Variants in PHACTR1 observed in about 807,000 individuals in gnomAD.
The protein encoded by PHACTR1 is phosphatase and actin regulator 1, also known as RPEL repeat containing 1.
Under a neutral mutation model 69.2 loss-of-function variants are expected in PHACTR1, and 16 were observed. That is an observed-to-expected ratio of 0.23 (90% CI 0.16 to 0.35). The LOEUF (loss-of-function observed/expected upper bound fraction) is 0.35. Ranked by LOEUF, PHACTR1 falls within the 10% of genes least tolerant of loss-of-function variation. The pLI is 1.00. For missense variants in PHACTR1, 510 were observed against 734.7 expected, an observed-to-expected ratio of 0.69 and a Z score of 3.54; for synonymous variants, 312 against 284.5, an observed-to-expected ratio of 1.10 and a Z score of -0.97.
intron 10 of PHACTR1, among the ~76,000 whole-genome samples, chr6:13,271,011 TTTTC>T (rs1777592624): frequency 6.9e-6 from 1 of 144,182 alleles, no homozygotes; most frequent in Non-Finnish European, 1.5e-5. Flanking sequence ...TGCTTTTTTT[TTTTC>T]TTTTTTTTTT....
chr6:13,223,784 A>C (rs1214817015), intron 8 of PHACTR1, among the ~76,000 whole-genome samples: 1 of 152,178 alleles, frequency 6.6e-6, no homozygotes, highest in African/African-American at 2.4e-5. Context: ...CGGTTGCTGG[A>C]AAGGTGAAAT....
chr6:12,880,589 G>A (rs1782993572), intron 4 of PHACTR1, among the ~76,000 whole-genome samples: 1 of 152,086 alleles, frequency 6.6e-6, no homozygotes, highest in Non-Finnish European at 1.5e-5. Context: ...ATTCTGTGCT[G>A]TAATACAGGT....
At chr6:12,918,846 C>T (rs1421028456) in intron 4 of PHACTR1, among the ~76,000 whole-genome samples, 1 of 152,196 alleles carries the variant, frequency 6.6e-6, no homozygotes, top group Non-Finnish European at 1.5e-5. Context: ...ATGGAAACAA[C>T]CATTCGTTCA....
rs941314292 is a variant in PHACTR1, at chr6:13,127,996, T to C, written c.416-32208T>C. ...GGAAGCAAACATATCCTTCTTCACATGGCGGCCGGAAGGAGAAGTATGAGC... is the reference window on the plus strand; with the variant it reads ...GGAAGCAAACATATCCTTCTTCACACGGCGGCCGGAAGGAGAAGTATGAGC... On this transcript the variant is annotated intron_variant, in intron 5 of 14. Transcript: ENST00000332995. Among the ~76,000 whole-genome samples, 6 of 151,310 alleles carry C rather than the reference T, an allele frequency of 4.0e-5. 1 individual carries two copies. Among genetic ancestry groups the C allele is most frequent in the Admixed American group, 4.0e-4 (6 of 15,152 alleles).
chr6:13,277,980 G>T (rs1584405709), intron 11 of PHACTR1: 2 of 196,780 alleles, frequency 1.0e-5, no homozygotes, highest in Non-Finnish European at 1.0e-5. Flanking sequence ...TTCCTGCCTT[G>T]TAGCCACATT....
chr6:13,036,413 G>A (rs1357669537), intron 4 of PHACTR1, among the ~76,000 whole-genome samples: 1 of 152,178 alleles, frequency 6.6e-6, no homozygotes, highest in African/African-American at 2.4e-5. Context: ...GCATTAAATG[G>A]TTGTTCATTT....
chr6:12,941,372 C>T (rs1562034187), intron 4 of PHACTR1, among the ~76,000 whole-genome samples: 1 of 151,816 alleles, frequency 6.6e-6, no homozygotes, highest in Non-Finnish European at 1.5e-5. Context: ...TTTGTTATGG[C>T]ATAAATCACC....
chr6:12,948,428 G>C (rs1295757977), intron 4 of PHACTR1, among the ~76,000 whole-genome samples: 1 of 152,192 alleles, frequency 6.6e-6, no homozygotes, highest in Non-Finnish European at 1.5e-5. Context: ...ACTAGGATAG[G>C]GTTGTTGGTG....
chr6:12,844,452 T>G (rs1779001165), intron 4 of PHACTR1, among the ~76,000 whole-genome samples: 1 of 151,706 alleles, frequency 6.6e-6, no homozygotes, highest in Admixed American at 6.6e-5. Context: ...CAAGAGCAAC[T>G]ATCGCACTGT....
At chr6:12,936,254 A>T (rs1789434569) in intron 4 of PHACTR1, among the ~76,000 whole-genome samples, 1 of 152,134 alleles carries the variant, frequency 6.6e-6, no homozygotes, top group South Asian at 2.1e-4. Context: ...TCAGAATCAA[A>T]CATGGATCTG....
intron 12 of PHACTR1, among the ~76,000 whole-genome samples, chr6:13,282,586 A>G (rs1780524448): frequency 6.6e-6 from 1 of 152,174 alleles, no homozygotes; most frequent in Non-Finnish European, 1.5e-5. Flanking sequence ...GAGGGCCGTC[A>G]GCAATGTTTG....
At position 13,206,017 on chromosome 6, in the gene PHACTR1, C is replaced by T. The variant is rs774451395; in HGVS notation, c.867C>T (p.Tyr289=). 7.4e-6 allele frequency: 12 copies of T among 1,613,266 alleles called. No individual in the cohort carries two copies. The highest frequency in any genetic ancestry group is 4.5e-5 in the East Asian group (2 of 44,886). ...CCCAGATCCAGCACCAGCTGCAGTA[C>T]GGCAGCCACGGCCAGCACCTCCCCT... The part of the protein sequence containing the change: ...LPSQIQHQLQ[Y]GSHGQHLPST... Residue 289 remains tyrosine (Y), a synonymous_variant, in exon 8 of 15, where the codon TAC becomes TAT. Transcript: ENST00000332995.
chr6:12,928,736 G>A (rs996316608), intron 4 of PHACTR1, among the ~76,000 whole-genome samples: 17 of 151,922 alleles, frequency 1.1e-4, no homozygotes, highest in Non-Finnish European at 2.4e-4. Context: ...TATTCTCAAA[G>A]GGAGAGCCCA....
At chr6:13,161,648 G>A (rs1327365956) in intron 6 of PHACTR1, among the ~76,000 whole-genome samples, 3 of 152,106 alleles carry the variant, frequency 2.0e-5, no homozygotes, top group African/African-American at 7.2e-5. Flanking sequence ...CTACTACAAC[G>A]AGGCAGGTGG....
intron 5 of PHACTR1, among the ~76,000 whole-genome samples, chr6:13,054,482 A>C (rs1390880546): frequency 1.3e-5 from 2 of 152,176 alleles, no homozygotes; most frequent in East Asian, 3.9e-4. Context: ...ACAGTTCTGG[A>C]GGCTGGAAGT....
intron 4 of PHACTR1, among the ~76,000 whole-genome samples, chr6:13,036,212 C>T (rs1258791727): frequency 6.6e-6 from 1 of 151,814 alleles, no homozygotes; most frequent in Non-Finnish European, 1.5e-5. Flanking sequence ...CCAAATAGAA[C>T]CACTGTCAGC....
chr6:13,094,135 C>T (rs1813747278), intron 5 of PHACTR1, among the ~76,000 whole-genome samples: 1 of 152,096 alleles, frequency 6.6e-6, no homozygotes, highest in Admixed American at 6.5e-5. Flanking sequence ...CCCGCCTCAG[C>T]CTCCCAAAGT....
chr6:12,864,743 A>T (rs992869699), intron 4 of PHACTR1, among the ~76,000 whole-genome samples: 1 of 151,948 alleles, frequency 6.6e-6, no homozygotes, highest in Non-Finnish European at 1.5e-5. Context: ...CTAAGAAATA[A>T]TTCCTTCAGT....
In PHACTR1 at chr6:12,718,843, T is replaced by C; in HGVS notation, c.99T>C (p.Ala33=). 6.5e-7 allele frequency: 1 copy of C among 1,538,470 alleles called. No individual in the cohort carries two copies. The highest frequency in any genetic ancestry group is 8.8e-7 in the Non-Finnish European group (1 of 1,134,616). Residue 33 remains alanine, a synonymous_variant, in exon 3 of 15, where the codon GCT becomes GCC. Coordinates refer to ENST00000332995, the MANE Select transcript of PHACTR1 (RefSeq NM_030948.6). ...SAQRFFYSQG[A]QARRATLLLP... is the part of the protein sequence containing the mutation. ...AAAGATTCTTCTACAGTCAAGGAGCTCAAGGTAATAAAATAAGAAAAAGAA... is the reference window on the plus strand; with the variant it reads ...AAAGATTCTTCTACAGTCAAGGAGCCCAAGGTAATAAAATAAGAAAAAGAA...
Sources: allele counts gnomAD v4.1 joint callset (sites outside exome capture counted in the v4.1 genomes callset), GRCh38; gene constraint gnomAD v4.1.1; transcripts MANE v1.5; gene names NCBI Gene and HGNC (gene_info 2026-07-23, HGNC 2026-07-21).